Variants in CALCR observed in about 807,000 individuals in gnomAD.
CALCR encodes the protein calcitonin receptor.
In CALCR, 47 loss-of-function variants were observed where a neutral mutation model predicts 59.5. The ratio of observed to expected loss-of-function variants is 0.79; its 90% confidence interval spans 0.63 to 1.01. The LOEUF is 1.01. CALCR is among the 50% of genes least tolerant of loss of function. The pLI is 0.00. For synonymous variants in CALCR, 213 were observed against 211.3 expected (o/e 1.01, Z -0.07); for missense variants, 566 against 597.1 (o/e 0.95, Z 0.54).
intron 2 of CALCR, among the ~76,000 whole-genome samples, chr7:93,488,085 G>T (rs569303781): frequency 1.3e-5 from 2 of 151,802 alleles, no homozygotes; most frequent in East Asian, 3.9e-4. Context: ...CAAGCTAGAA[G>T]AGATTGGAGG....
chr7:93,553,349 G>A (rs987073495), intron 2 of CALCR, among the ~76,000 whole-genome samples: 11 of 152,240 alleles, frequency 7.2e-5, no homozygotes, highest in African/African-American at 2.4e-4. Context: ...GAGGTACTGG[G>A]TATTAAGGAC....
At chr7:93,547,225 C>T (rs1417853212) in intron 2 of CALCR, among the ~76,000 whole-genome samples, 2 of 152,162 alleles carry the variant, frequency 1.3e-5, no homozygotes, top group African/African-American at 4.8e-5. Context: ...TCACAAAAAA[C>T]ATTATGTTAA....
chr7:93,489,223 A>G (rs1014847825), intron 2 of CALCR, among the ~76,000 whole-genome samples: 3 of 151,984 alleles, frequency 2.0e-5, no homozygotes, highest in Non-Finnish European at 4.4e-5. Flanking sequence ...CAATGAGAAC[A>G]AAGAGACAAT....
At chr7:93,432,057 T>G (rs1799670157) in intron 13 of CALCR, among the ~76,000 whole-genome samples, 5 of 152,166 alleles carry the variant, frequency 3.3e-5, no homozygotes, top group Admixed American at 3.3e-4. Context: ...TTCTATTACT[T>G]TAATTCTTCA....
chr7:93,465,052 C>CAACCTATATT (rs1562984457), intron 7 of CALCR, among the ~76,000 whole-genome samples: 4 of 151,800 alleles, frequency 2.6e-5, no homozygotes, highest in Non-Finnish European at 5.9e-5. Context: ...ATCTGTTTTC[C>CAACCTATATT]AACCTATATT....
intron 2 of CALCR, among the ~76,000 whole-genome samples, chr7:93,516,941 T>C (rs1402894552): frequency 6.6e-6 from 1 of 151,830 alleles, no homozygotes; most frequent in Non-Finnish European, 1.5e-5. Flanking sequence ...AATTATGGTT[T>C]AGAGCATAAG....
chr7:93,536,447 G>A (rs1213700411), intron 2 of CALCR, among the ~76,000 whole-genome samples: 1 of 151,730 alleles, frequency 6.6e-6, no homozygotes, highest in Non-Finnish European at 1.5e-5. Flanking sequence ...GAATTATTTT[G>A]ATTTTATATA....
chr7:93,434,229 G>A (rs1398666138), intron 13 of CALCR, 24 bp downstream of exon 13: 2 of 1,560,182 alleles, frequency 1.3e-6, no homozygotes, highest in Non-Finnish European at 1.8e-6. Flanking sequence ...ACAAGTGATA[G>A]TATTATATGA....
At chr7:93,448,421 T>C (rs1198620040) in intron 8 of CALCR, among the ~76,000 whole-genome samples, 10 of 152,124 alleles carry the variant, frequency 6.6e-5, no homozygotes, top group Non-Finnish European at 1.5e-5. Context: ...ATGCATACTT[T>C]AGATAAGCTC....
intron 8 of CALCR, among the ~76,000 whole-genome samples, chr7:93,453,091 C>T (rs1461700875): frequency 6.6e-6 from 1 of 151,972 alleles, no homozygotes; most frequent in Admixed American, 6.6e-5. Flanking sequence ...TTTACAAGTG[C>T]CCTGAGTTTC....
At chr7:93,485,134 T>A (rs918463612) in intron 3 of CALCR, among the ~76,000 whole-genome samples, 5 of 151,724 alleles carry the variant, frequency 3.3e-5, no homozygotes, top group African/African-American at 1.2e-4. Flanking sequence ...AATGGACATA[T>A]CAAATTTTGT....
rs548679181 is a variant in CALCR at position 93,443,126 on chromosome 7, C to G, written c.802+478G>C. On this transcript the variant is annotated intron_variant, in intron 9 of 13. Coordinates refer to ENST00000426151, the MANE Select transcript of CALCR (RefSeq NM_001742.4). ...CCGTGTGGTTATATCTGCCTCTCAG[C>G]TGGACTCCACTTCCTGAGCTTTCAC... is the stretch of plus-strand genomic sequence containing the variant. 2.4e-3 allele frequency among the ~76,000 whole-genome samples: 369 copies of G among 152,222 alleles called. 2 individuals carry two copies. Among genetic ancestry groups the G allele is most frequent in the African/African-American group, 7.6e-3 (316 of 41,560 alleles).
At chr7:93,433,663 C>A (rs908287850) in intron 13 of CALCR, among the ~76,000 whole-genome samples, 1 of 152,168 alleles carries the variant, frequency 6.6e-6, no homozygotes, top group African/African-American at 2.4e-5. Context: ...ATAGATTTGG[C>A]TCCCAGGCAA....
chr7:93,489,174 T>C (rs995423202), intron 2 of CALCR, among the ~76,000 whole-genome samples: 5 of 151,776 alleles, frequency 3.3e-5, no homozygotes, highest in Non-Finnish European at 7.4e-5. Flanking sequence ...CCTGGGTAAA[T>C]AATGAAATTC....
intron 2 of CALCR, among the ~76,000 whole-genome samples, chr7:93,538,190 T>TA (rs1789042938): frequency 6.6e-6 from 1 of 152,010 alleles, no homozygotes; most frequent in Non-Finnish European, 1.5e-5. Flanking sequence ...CCTTTGTGGT[T>TA]ATTACAATAA....
At chr7:93,495,598 T>C (rs977553401) in intron 2 of CALCR, among the ~76,000 whole-genome samples, 1 of 151,400 alleles carries the variant, frequency 6.6e-6, no homozygotes, top group Admixed American at 6.6e-5. Context: ...TTCTTATCTA[T>C]AGAATGACTA....
At chr7:93,480,454 T>C (rs1290026363) in intron 3 of CALCR, among the ~76,000 whole-genome samples, 1 of 151,868 alleles carries the variant, frequency 6.6e-6, no homozygotes, top group African/African-American at 2.4e-5. Flanking sequence ...TTAGGAATGC[T>C]GCTTAATTTC....
At chr7:93,537,631 A>T (rs1038583326) in intron 2 of CALCR, among the ~76,000 whole-genome samples, 1 of 151,772 alleles carries the variant, frequency 6.6e-6, no homozygotes, top group Non-Finnish European at 1.5e-5. Flanking sequence ...TTTTATGTCA[A>T]TTACTTAACT....
intron 2 of CALCR, among the ~76,000 whole-genome samples, chr7:93,518,178 G>A (rs1370807430): frequency 6.6e-6 from 1 of 151,288 alleles, no homozygotes; most frequent in African/African-American, 2.4e-5. Context: ...GATAATTCTG[G>A]CAAGATAGGA....
Sources: allele counts gnomAD v4.1 joint callset (sites outside exome capture counted in the v4.1 genomes callset), GRCh38; gene constraint gnomAD v4.1.1; transcripts MANE v1.5; gene names NCBI Gene and HGNC (gene_info 2026-07-23, HGNC 2026-07-21).